ZNF117: variants seen among roughly 807,000 people sequenced by gnomAD.
ZNF117 encodes the protein Krueppel-related zinc finger protein.
In ZNF117, 37 loss-of-function variants were observed where a neutral mutation model predicts 41.2. The ratio of observed to expected loss-of-function variants is 0.90; its 90% CI spans 0.69 to 1.18. ZNF117 has a LOEUF of 1.18. ZNF117 is among the 50% of genes most tolerant of loss of function. The pLI, the probability that ZNF117 is intolerant of heterozygous loss-of-function variation, is 0.00. For synonymous variants in ZNF117, 186 were observed against 186.6 expected, an observed-to-expected ratio of 1.00 and a Z score of 0.02; for missense variants, 546 against 557.5, an observed-to-expected ratio of 0.98 and a Z score of 0.21.
chr7:64,988,973 T>C (rs1474642834), intron 1 of ZNF117, among the ~76,000 whole-genome samples: 3 of 152,164 alleles, frequency 2.0e-5, no homozygotes, highest in African/African-American at 7.2e-5. Context: ...ATTTATTTTA[T>C]GCTCATGGAT....
upstream of ZNF117, among the ~76,000 whole-genome samples, chr7:64,985,333 A>G (rs1395375483): frequency 6.6e-6 from 1 of 152,186 alleles, no homozygotes; most frequent in East Asian, 1.9e-4. Flanking sequence ...ATATTACCTG[A>G]TTACCTTGGA....
At chr7:64,989,606 T>G (rs1390931039) in intron 1 of ZNF117, among the ~76,000 whole-genome samples, 3 of 148,428 alleles carry the variant, frequency 2.0e-5, no homozygotes, top group African/African-American at 7.4e-5. Flanking sequence ...AAGCAAAAAT[T>G]GACAAATGGG....
chr7:64,979,035 T>A, exon 3 of ZNF117: 1 of 1,612,946 alleles, frequency 6.2e-7, no homozygotes, highest in East Asian at 2.2e-5. Context: ...TCTAATAAGG[T>A]GTGAGGTCTG....
chr7:64,975,296 AAAG>A (rs2129117733), exon 3 of ZNF117: 1 of 24,080 alleles, frequency 4.2e-5, no homozygotes, highest in African/African-American at 6.4e-5. Context: ...TTATTACATA[AAAG>A]TACAGTTAGT....
intron 1 of ZNF117, among the ~76,000 whole-genome samples, chr7:64,987,943 C>A (rs35408058): frequency 5.9e-5 from 9 of 151,758 alleles, no homozygotes; most frequent in South Asian, 2.1e-4. Context: ...TAACAAACTC[C>A]AAAACTGAAT....
At chr7:64,979,368 C>A in exon 3 of ZNF117, 1 of 1,603,756 alleles carries the variant, frequency 6.2e-7, no homozygotes, top group South Asian at 1.1e-5. Context: ...TTGGTTAAGT[C>A]CACTATAATC....
chr7:64,979,103 C>T (rs753172037), exon 3 of ZNF117: 2 of 1,612,786 alleles, frequency 1.2e-6, no homozygotes, highest in Admixed American at 1.7e-5. Context: ...TATGAATTCT[C>T]TTATGTTTAT....
At chr7:64,990,844 G>A (rs1452323845) in exon 1 of ZNF117, 1 of 160,510 alleles carries the variant, frequency 6.2e-6, no homozygotes, top group Admixed American at 6.4e-5. Flanking sequence ...CAGGACTTTG[G>A]AGTGAGTCAG....
chr7:64,973,976 C>A (rs118191089), downstream of ZNF117: 1 of 151,904 alleles, frequency 6.6e-6, no homozygotes, highest in Non-Finnish European at 1.5e-5. Flanking sequence ...ACAGCAAGCA[C>A]TGTCATATTT....
At chr7:64,977,449 G>A (rs1390763574) in exon 3 of ZNF117, 12 of 461,552 alleles carry the variant, frequency 2.6e-5, no homozygotes, top group African/African-American at 1.4e-4. Flanking sequence ...TTTGAGCATC[G>A]ACTGAAAGTT....
At chr7:64,981,625 A>C in intron 1 of ZNF117, 143 bp from the exon 3 acceptor site, 2 of 767,620 alleles carry the variant, frequency 2.6e-6, no homozygotes, top group Non-Finnish European at 3.9e-6. Flanking sequence ...ATTTCTAAAG[A>C]TTTAGAAAAT....
chr7:64,985,325 A>G (rs1260140915), upstream of ZNF117, among the ~76,000 whole-genome samples: 2 of 152,242 alleles, frequency 1.3e-5, no homozygotes, highest in African/African-American at 4.8e-5. Context: ...GCCTGCAAAT[A>G]TTACCTGATT....
At chr7:64,975,212 T>C (rs1038420476) in exon 3 of ZNF117, 2 of 151,768 alleles carry the variant, frequency 1.3e-5, no homozygotes, top group African/African-American at 4.8e-5. Context: ...CAATTGGTCT[T>C]AACATGTTAA....
At chr7:64,975,385 T>G (rs1243626511) in exon 3 of ZNF117, 3 of 152,050 alleles carry the variant, frequency 2.0e-5, no homozygotes, top group African/African-American at 7.2e-5. Flanking sequence ...AGAATATTCC[T>G]CTGAACACTT....
At position 64,978,321 on chromosome 7, in the gene ZNF117, TAG is replaced by T; in HGVS notation, c.1248_1249del (p.Tyr417GlnfsTer3). On this transcript the variant is annotated frameshift_variant, in exon 3 of 3. Coordinates refer to ENST00000620222, the Ensembl canonical transcript of ZNF117. LOFTEE classifies it high-confidence loss of function. ...GGCTTTGCCACATTCTTCACATTTG[TAG>T]AGTTTCTCTCCAGTATGAATTTTCT... The T allele has an allele frequency of 1.2e-6, 2 of 1,608,132 alleles. No homozygotes were observed. The highest frequency in any genetic ancestry group is 1.7e-6 in the Non-Finnish European group (2 of 1,175,640).
At position 64,978,859 on chromosome 7, in the gene ZNF117, CA is replaced by C. The variant is rs1785959683; in HGVS notation, c.711del (p.Glu238AsnfsTer4). ...TCTCCGGTATGAATTAACTTATGTTCAGTAAGCTTTGAGGCTTGGTTAAAAG... is the reference window on the plus strand; with the variant it reads ...TCTCCGGTATGAATTAACTTATGTTCGTAAGCTTTGAGGCTTGGTTAAAAG... On this transcript the variant is annotated frameshift_variant, in exon 3 of 3. Coordinates refer to ENST00000620222, the Ensembl canonical transcript of ZNF117. LOFTEE classifies it high-confidence loss of function. The C allele has an allele frequency of 6.2e-7, 1 of 1,613,510 alleles. No individual in the cohort carries two copies. The highest frequency in any genetic ancestry group is 1.3e-5 in the African/African-American group (1 of 74,986).
At chr7:64,983,819 C>A (rs1786082777), upstream of ZNF117, among the ~76,000 whole-genome samples, 1 of 152,048 alleles carries the variant, frequency 6.6e-6, no homozygotes, top group Non-Finnish European at 1.5e-5. Context: ...AAACAGAAAC[C>A]AAAAGCATTC....
At chr7:64,979,591 CT>C in intron 2 of ZNF117, 55 bp from the exon 4 acceptor site, 1 of 1,308,820 alleles carries the variant, frequency 7.6e-7, no homozygotes, top group Non-Finnish European at 1.0e-6. Flanking sequence ...GATGAATATA[CT>C]TTACAAATCT....
exon 3 of ZNF117, chr7:64,977,171 C>G (rs1269808320): frequency 1.7e-5 from 8 of 462,448 alleles, no homozygotes; most frequent in African/African-American, 1.6e-4. Flanking sequence ...TATGAATTAC[C>G]TTATGTTTAG....
Sources: gnomAD v4.1 joint callset for allele counts (sites outside exome capture counted in the v4.1 genomes callset) on GRCh38, gnomAD v4.1.1 for gene constraint, MANE v1.5 for transcripts, NCBI Gene and HGNC (gene_info 2026-07-23, HGNC 2026-07-21) for gene names.